The following IQCE variants were observed in gnomAD, a reference collection of about 807,000 sequenced individuals.
IQCE encodes IQ domain-containing protein E.
IQCE carries 115 observed loss-of-function variants against 96.0 expected under a neutral mutation model. The ratio of observed to expected loss-of-function variants is 1.20; its 90% CI spans 1.03 to 1.40. IQCE has a LOEUF of 1.40. IQCE is among the 40% of genes most tolerant of loss of function. The probability of loss-of-function intolerance (pLI) is 0.00; values close to 1 mark genes in which losing one functional copy is unlikely to be tolerated. For synonymous variants in IQCE, 412 were observed against 371.2 expected, an observed-to-expected ratio of 1.11 and a Z score of -1.26; for missense variants, 1,041 against 909.1, an observed-to-expected ratio of 1.15 and a Z score of -1.87.
chr7:2,561,638 G>A (rs1780970480), intron 1 of IQCE, among the ~76,000 whole-genome samples: 1 of 151,486 alleles, frequency 6.6e-6, no homozygotes, highest in South Asian at 2.1e-4. Context: ...AGCCAGGATG[G>A]TCTCGATCTC....
intron 11 of IQCE, among the ~76,000 whole-genome samples, chr7:2,585,649 T>G (rs1346072915): frequency 6.6e-6 from 1 of 152,260 alleles, no homozygotes; most frequent in East Asian, 1.9e-4. Flanking sequence ...TTACCTGAGC[T>G]GAGGTGAGGA....
At chr7:2,572,521 T>G (rs902658016) in intron 5 of IQCE, among the ~76,000 whole-genome samples, 195 bp downstream of exon 5, 1 of 152,152 alleles carries the variant, frequency 6.6e-6, no homozygotes, top group South Asian at 2.1e-4. Flanking sequence ...CCCCAGAAGG[T>G]AGCTTTCCTC....
At chr7:2,588,739 A>C (rs533712052) in intron 13 of IQCE, among the ~76,000 whole-genome samples, 1 of 129,032 alleles carries the variant, frequency 7.8e-6, no homozygotes, top group African/African-American at 3.0e-5. Flanking sequence ...ATCTCGGCTC[A>C]CTGCAACTTT....
At chr7:2,586,023 GC>G (rs5881929) in intron 11 of IQCE, among the ~76,000 whole-genome samples, 184 bp from the exon 12 acceptor site, 86,985 of 151,886 alleles carry the variant, frequency 0.57, 24,993 homozygotes, top group South Asian at 0.61. Context: ...CATTTTGGGT[GC>G]TAACATTTTG....
intron 13 of IQCE, among the ~76,000 whole-genome samples, chr7:2,588,158 G>A (rs1325281127): frequency 6.6e-6 from 1 of 152,210 alleles, no homozygotes; most frequent in Non-Finnish European, 1.5e-5. Flanking sequence ...TGTGGGCTGT[G>A]CACTGCCCGC....
chr7:2,586,112 C>A, intron 11 of IQCE, 96 bp from the exon 12 acceptor site: 1 of 1,196,210 alleles, frequency 8.4e-7, no homozygotes, highest in Non-Finnish European at 1.2e-6. Flanking sequence ...AGCTCACAAC[C>A]AACAGAGCAA....
chr7:2,577,110 C>T (rs922203468), intron 6 of IQCE, among the ~76,000 whole-genome samples: 2 of 152,168 alleles, frequency 1.3e-5, no homozygotes, highest in South Asian at 2.1e-4. Context: ...ATCCAGATTT[C>T]CCCCCACCCA....
chr7:2,604,390 C>G (rs1183942095), intron 18 of IQCE, among the ~76,000 whole-genome samples: 1 of 152,170 alleles, frequency 6.6e-6, no homozygotes, highest in Non-Finnish European at 1.5e-5. Flanking sequence ...GGATTACAGG[C>G]ATGAACCACT....
intron 21 of IQCE, among the ~76,000 whole-genome samples, chr7:2,609,299 C>T (rs564529274): frequency 6.8e-6 from 1 of 147,776 alleles, no homozygotes; most frequent in Non-Finnish European, 1.5e-5. Context: ...AGCGAGTTAA[C>T]AGGGAAGTTG....
intron 17 of IQCE, among the ~76,000 whole-genome samples, chr7:2,598,904 C>G (rs539745109): frequency 6.6e-6 from 1 of 152,244 alleles, no homozygotes; most frequent in African/African-American, 2.4e-5. Flanking sequence ...TATGAAACAT[C>G]GGCATGTATC....
intron 3 of IQCE, chr7:2,571,314 T>C: frequency 1.8e-6 from 1 of 555,380 alleles, no homozygotes; most frequent in Non-Finnish European, 3.1e-6. Flanking sequence ...CCACCATGCC[T>C]GGCCTCATTA....
chr7:2,598,799 C>T (rs913942697), intron 17 of IQCE, 167 bp downstream of exon 17: 8 of 504,062 alleles, frequency 1.6e-5, no homozygotes, highest in Middle Eastern at 5.3e-4. Context: ...CTGACACCTC[C>T]GTTCTGGGTG....
Position 2,559,015 on chromosome 7 carries a change from C to G in IQCE, c.-167C>G, listed in dbSNP as rs928484531. 3 of 358,624 alleles carry G rather than the reference C, an allele frequency of 8.4e-6. No homozygotes were observed. The highest frequency in any genetic ancestry group is 4.3e-5 in the African/African-American group (2 of 46,442). 22.2% of individuals were successfully genotyped at this position (358,624 alleles called of 1,614,324 possible). A position where few individuals can be genotyped will look rare whatever the true frequency, so the allele number is the denominator to read the frequency against. ...TGGTCGCCCCAGGGGGAACGCAGGT[C>G]GCTTACCCGGCTGGGTAGGTCGGCG... On this transcript the variant is annotated 5_prime_UTR_variant, in exon 1 of 22. Coordinates refer to ENST00000402050, the MANE Select transcript of IQCE (RefSeq NM_152558.5).
At chr7:2,606,415 A>G (rs1289044323) in intron 20 of IQCE, among the ~76,000 whole-genome samples, 1 of 151,878 alleles carries the variant, frequency 6.6e-6, no homozygotes. Context: ...CAGGGTCTAG[A>G]TGGCAGCGTT....
chr7:2,604,022 T>C (rs1725771257), intron 18 of IQCE, among the ~76,000 whole-genome samples: 1 of 149,038 alleles, frequency 6.7e-6, no homozygotes, highest in Non-Finnish European at 1.5e-5. Flanking sequence ...AGAGTCTCAC[T>C]GTGTCACCCA....
At position 2,611,148 on chromosome 7, in the gene IQCE, C is replaced by CCGGGCCGGGCCGGGCCGGGCCGG. The variant is rs1386406082; in HGVS notation, c.*986_*987insCGGGCCGGGCCGGGCCGGGCCGG. The CCGGGCCGGGCCGGGCCGGGCCGG allele has an allele frequency of 3.3e-5, 5 of 152,340 alleles. No individual in the cohort carries two copies. Among genetic ancestry groups the CCGGGCCGGGCCGGGCCGGGCCGG allele is most frequent in the African/African-American group, 1.2e-4 (5 of 41,138 alleles). 9.4% of individuals were successfully genotyped at this position (152,340 alleles called of 1,614,324 possible). A position where few individuals can be genotyped will look rare whatever the true frequency, so the allele number is the denominator to read the frequency against. ...CTGGGCTGGGCTGGGCTGGGCCGGG[C>CCGGGCCGGGCCGGGCCGGGCCGG]GTGCGGAGCCTGTGGAGCCAGCAGC... On this transcript the variant is annotated 3_prime_UTR_variant, in exon 22 of 22. Transcript: ENST00000402050.
At chr7:2,604,365 C>T (rs1420368058) in intron 18 of IQCE, among the ~76,000 whole-genome samples, 1 of 152,118 alleles carries the variant, frequency 6.6e-6, no homozygotes. Flanking sequence ...CCTGCCTCAG[C>T]CTCCCAAAGT....
At chr7:2,581,830 C>A (rs1782689372) in intron 8 of IQCE, among the ~76,000 whole-genome samples, 1 of 151,970 alleles carries the variant, frequency 6.6e-6, no homozygotes, top group African/African-American at 2.4e-5. Flanking sequence ...CTGCCTCAGC[C>A]TCCCGAGTAG....
chr7:2,575,296 A>G (rs1554304884), intron 6 of IQCE, among the ~76,000 whole-genome samples: 2 of 152,188 alleles, frequency 1.3e-5, no homozygotes, highest in Non-Finnish European at 2.9e-5. Flanking sequence ...CCACTCAGCC[A>G]TCATCGACAC....
Sources: gnomAD v4.1 joint callset for allele counts (sites outside exome capture counted in the v4.1 genomes callset) on GRCh38, gnomAD v4.1.1 for gene constraint, MANE v1.5 for transcripts, NCBI Gene and HGNC (gene_info 2026-07-23, HGNC 2026-07-21) for gene names.